The following ICA1L variants were observed in gnomAD, a reference collection of about 807,000 sequenced individuals.
ICA1L encodes the protein islet cell autoantigen 1 like, also known as islet cell autoantigen 1-like protein.
In ICA1L, 50 loss-of-function variants were observed where a neutral mutation model predicts 61.3. The ratio of observed to expected loss-of-function variants is 0.82; its 90% CI spans 0.65 to 1.03. The LOEUF (loss-of-function observed/expected upper bound fraction) is 1.03, where lower values mean the gene tolerates loss of function less well. ICA1L is among the 50% of genes least tolerant of loss of function. The pLI is 0.00. For missense variants in ICA1L, 508 were observed against 556.7 expected (o/e 0.91, Z 0.88); for synonymous variants, 161 against 191.3 (o/e 0.84, Z 1.31).
At chr2:202,797,095 A>C in intron 9 of ICA1L, 131 bp from the exon 10 acceptor site, 1 of 559,764 alleles carries the variant, frequency 1.8e-6, no homozygotes, top group Non-Finnish European at 3.1e-6. Context: ...AAAGGGAAAC[A>C]TAAAAATTTA....
intron 1 of ICA1L, chr2:202,871,224 T>C (rs1687700653): frequency 6.6e-6 from 1 of 152,092 alleles, no homozygotes; most frequent in Non-Finnish European, 1.5e-5. Flanking sequence ...CCGCCGCCTC[T>C]ATTAGGAGCG....
At chr2:202,823,390 ATG>A (rs1693750862) in intron 3 of ICA1L, among the ~76,000 whole-genome samples, 1 of 152,186 alleles carries the variant, frequency 6.6e-6, no homozygotes, top group African/African-American at 2.4e-5. Flanking sequence ...TTAAATCTAT[ATG>A]TGTTTCCCTT....
At chr2:202,823,963 T>C (rs191218234) in intron 3 of ICA1L, among the ~76,000 whole-genome samples, 48 of 152,334 alleles carry the variant, frequency 3.2e-4, no homozygotes, top group Non-Finnish European at 5.9e-4. Flanking sequence ...AATGGGACAA[T>C]GTATAAGCTT....
intron 10 of ICA1L, among the ~76,000 whole-genome samples, chr2:202,793,677 T>TAAA (rs373036200): frequency 7.5e-6 from 1 of 133,900 alleles, no homozygotes. Flanking sequence ...AGACTCCATC[T>TAAA]AAAAAAAAAA....
chr2:202,842,811 T>C (rs1354385994), intron 1 of ICA1L, among the ~76,000 whole-genome samples: 2 of 152,232 alleles, frequency 1.3e-5, no homozygotes, highest in Non-Finnish European at 2.9e-5. Context: ...GAAAATCTTA[T>C]AAGCTTTAAA....
intron 1 of ICA1L, among the ~76,000 whole-genome samples, chr2:202,859,049 C>T (rs566884968): frequency 1.2e-4 from 18 of 152,248 alleles, no homozygotes; most frequent in African/African-American, 4.3e-4. Context: ...TGGTTTTTGG[C>T]TCTGGCAAAT....
intron 1 of ICA1L, among the ~76,000 whole-genome samples, chr2:202,863,998 C>A (rs1048797634): frequency 6.6e-6 from 1 of 152,128 alleles, no homozygotes; most frequent in African/African-American, 2.4e-5. Context: ...AAGAAAGAAT[C>A]ATCCATATTA....
At chr2:202,818,946 C>G (rs750583023) in intron 5 of ICA1L, among the ~76,000 whole-genome samples, 1 of 152,210 alleles carries the variant, frequency 6.6e-6, no homozygotes, top group South Asian at 2.1e-4. Flanking sequence ...TTAGTGCATT[C>G]GCAATGTTGT....
intron 9 of ICA1L, among the ~76,000 whole-genome samples, chr2:202,808,349 A>C (rs80087860): frequency 0.092 from 13,996 of 152,244 alleles, 758 homozygotes; most frequent in Non-Finnish European, 0.13. Context: ...TACCTGCTGC[A>C]GGGAGAGACT....
At chr2:202,809,956 A>C (rs1459016826) in intron 9 of ICA1L, among the ~76,000 whole-genome samples, 1 of 151,970 alleles carries the variant, frequency 6.6e-6, no homozygotes, top group Non-Finnish European at 1.5e-5. Context: ...AATTTCCCAA[A>C]CCTAGAGAAA....
chr2:202,782,518 C>G (rs909120045), intron 12 of ICA1L, among the ~76,000 whole-genome samples: 3 of 151,492 alleles, frequency 2.0e-5, no homozygotes, highest in Non-Finnish European at 2.9e-5. Context: ...AGTGATTCTC[C>G]TTGCCTCAGC....
intron 5 of ICA1L, among the ~76,000 whole-genome samples, chr2:202,819,009 G>C (rs1320935697): frequency 6.6e-6 from 1 of 152,248 alleles, no homozygotes; most frequent in Non-Finnish European, 1.5e-5. Flanking sequence ...AAAAGGGATG[G>C]AATACGAGGT....
intron 12 of ICA1L, among the ~76,000 whole-genome samples, chr2:202,782,289 G>T (rs1464768469): frequency 6.6e-6 from 1 of 152,078 alleles, no homozygotes; most frequent in Non-Finnish European, 1.5e-5. Context: ...AGGTTACAGT[G>T]AGCCAAGATC....
intron 1 of ICA1L, among the ~76,000 whole-genome samples, chr2:202,864,647 GTA>G (rs756609058): frequency 2.5e-4 from 37 of 148,732 alleles, no homozygotes; most frequent in Middle Eastern, 3.4e-3. Context: ...GTGTGTGTGT[GTA>G]TATATATATA....
intron 2 of ICA1L, among the ~76,000 whole-genome samples, chr2:202,827,416 T>C (rs1000649243): frequency 1.3e-5 from 2 of 151,962 alleles, no homozygotes; most frequent in African/African-American, 4.8e-5. Context: ...ACAGAAAAGA[T>C]AGTTCTACTA....
intron 9 of ICA1L, among the ~76,000 whole-genome samples, chr2:202,803,206 G>C (rs947818243): frequency 6.6e-6 from 1 of 151,898 alleles, no homozygotes; most frequent in African/African-American, 2.4e-5. Context: ...TCAGGAGTTC[G>C]AGACCAGCCT....
Position 202,774,393 on chromosome 2 carries a change from GCGCCTC to G in ICA1L, c.*5134_*5139del. 8.7e-7 allele frequency: 1 copy of G among 1,151,096 alleles called. No homozygotes were observed. Among genetic ancestry groups the G allele is most frequent in the Non-Finnish European group, 1.1e-6 (1 of 883,628 alleles). 71.3% of individuals were successfully genotyped at this position (1,151,096 alleles called of 1,614,324 possible). A position where few individuals can be genotyped will look rare whatever the true frequency, so the allele number is the denominator to read the frequency against. ...TGGCAGCCGGAGACCAGGCCTCACT[GCGCCTC>G]CAACAGCCAGGGTCGAGCCCCTGGC... is the stretch of plus-strand genomic sequence containing the variant. On this transcript the variant is annotated 3_prime_UTR_variant, in exon 13 of 13. Coordinates refer to ENST00000358299, the MANE Select transcript of ICA1L (RefSeq NM_001288622.3).
At chr2:202,784,778 G>C (rs72932727) in intron 12 of ICA1L, among the ~76,000 whole-genome samples, 14,695 of 152,220 alleles carry the variant, frequency 0.097, 794 homozygotes, top group Non-Finnish European at 0.13. Flanking sequence ...ATCAGACTCA[G>C]AGAAAGCAGA....
intron 9 of ICA1L, among the ~76,000 whole-genome samples, chr2:202,800,503 A>G (rs565463806): frequency 2.1e-4 from 32 of 152,308 alleles, no homozygotes; most frequent in African/African-American, 7.5e-4. Context: ...TTTGAGAGTC[A>G]GTTTTCTAAT....
Sources: gnomAD v4.1 joint callset for allele counts (sites outside exome capture counted in the v4.1 genomes callset) on GRCh38, gnomAD v4.1.1 for gene constraint, MANE v1.5 for transcripts, NCBI Gene and HGNC (gene_info 2026-07-23, HGNC 2026-07-21) for gene names.